Variants in CTNND2 observed in about 807,000 individuals in gnomAD.
CTNND2 encodes catenin delta 2.
CTNND2 carries 22 observed loss-of-function variants against 144.4 expected under a neutral mutation model. The observed-to-expected ratio is 0.15, with a 90% CI of 0.11 to 0.22. CTNND2 has a LOEUF of 0.22. Ranked by LOEUF, CTNND2 falls within the 10% of genes least tolerant of loss-of-function variation. The pLI, the probability that CTNND2 is intolerant of heterozygous loss-of-function variation, is 1.00. For synonymous variants in CTNND2, 751 were observed against 695.6 expected (o/e 1.08, Z -1.25); for missense variants, 1,353 against 1,618.8 (o/e 0.84, Z 2.82).
intron 3 of CTNND2, among the ~76,000 whole-genome samples, chr5:11,543,749 G>C (rs1374954969): frequency 6.6e-6 from 1 of 151,828 alleles, no homozygotes; most frequent in African/African-American, 2.4e-5. Flanking sequence ...TTTCAAAACA[G>C]AAGAGTCCTT....
chr5:11,741,057 G>C (rs1034470576), intron 1 of CTNND2, among the ~76,000 whole-genome samples: 1 of 152,130 alleles, frequency 6.6e-6, no homozygotes, highest in Non-Finnish European at 1.5e-5. Flanking sequence ...TCATTAAAAA[G>C]TCAGGAAACA....
chr5:11,192,180 C>G (rs1030084321), intron 11 of CTNND2, among the ~76,000 whole-genome samples: 1 of 152,188 alleles, frequency 6.6e-6, no homozygotes, highest in African/African-American at 2.4e-5. Context: ...CAATGGGAAT[C>G]GAGGAATCTC....
At chr5:11,764,348 ATTGTT>A (rs943284044) in intron 1 of CTNND2, among the ~76,000 whole-genome samples, 1 of 152,142 alleles carries the variant, frequency 6.6e-6, no homozygotes, top group African/African-American at 2.4e-5. Flanking sequence ...ACAAATTTAT[ATTGTT>A]TTAAGTCACC....
intron 18 of CTNND2, among the ~76,000 whole-genome samples, chr5:10,994,118 T>C (rs7708452): frequency 0.15 from 21,802 of 148,188 alleles, 1,687 homozygotes; most frequent in East Asian, 0.25. Context: ...CGAAAGTAAA[T>C]AGGCCACCCA....
At chr5:11,382,346 C>A (rs1333960974) in intron 7 of CTNND2, among the ~76,000 whole-genome samples, 1 of 152,066 alleles carries the variant, frequency 6.6e-6, no homozygotes, top group Non-Finnish European at 1.5e-5. Flanking sequence ...GGCCTGTAAA[C>A]CTAGCATTTT....
chr5:10,993,985 G>A (rs1738999689), intron 18 of CTNND2, among the ~76,000 whole-genome samples: 1 of 151,570 alleles, frequency 6.6e-6, no homozygotes, highest in Admixed American at 6.6e-5. Context: ...GGGAACAGGG[G>A]CTGGGACAGT....
At position 11,148,605 on chromosome 5, in the gene CTNND2, A is replaced by G. The variant is rs1354390972; in HGVS notation, c.2159+10971T>C. On this transcript the variant is annotated intron_variant, in intron 12 of 21. Transcript: ENST00000304623. ...GTCCAGTGAGGTGAGAAGTGAGGGG[A>G]GCCCTTTCTCCAGCAGCGTCCCTGC... Among the ~76,000 whole-genome samples the G allele has an allele frequency of 2.0e-5, 3 of 152,164 alleles. No individual in the cohort carries two copies. The East Asian group carries it at 5.8e-4, about 29-fold the overall frequency.
intron 2 of CTNND2, among the ~76,000 whole-genome samples, chr5:11,636,761 T>G (rs191971948): frequency 6.6e-6 from 1 of 152,216 alleles, no homozygotes; most frequent in South Asian, 2.1e-4. Flanking sequence ...GCAGATCTAT[T>G]TATCAATACG....
At chr5:11,279,405 C>T (rs1746885416) in intron 9 of CTNND2, among the ~76,000 whole-genome samples, 1 of 152,162 alleles carries the variant, frequency 6.6e-6, no homozygotes, top group African/African-American at 2.4e-5. Context: ...TGTAATCTGA[C>T]TACTTCTCAT....
intron 11 of CTNND2, among the ~76,000 whole-genome samples, chr5:11,180,518 A>G (rs746739322): frequency 3.3e-5 from 5 of 152,188 alleles, no homozygotes; most frequent in Admixed American, 6.5e-5. Context: ...AGTTTCACAC[A>G]CTGAAAGCAC....
chr5:11,276,983 G>GAA (rs1469641765), intron 9 of CTNND2, among the ~76,000 whole-genome samples: 2 of 152,198 alleles, frequency 1.3e-5, no homozygotes, highest in African/African-American at 4.8e-5. Flanking sequence ...AACTGTGAAA[G>GAA]AATACATTTC....
chr5:11,463,033 CA>C (rs1346298675), intron 3 of CTNND2, among the ~76,000 whole-genome samples: 6 of 152,194 alleles, frequency 3.9e-5, no homozygotes, highest in African/African-American at 1.4e-4. Flanking sequence ...CCATTCCCTT[CA>C]AAGATTAATC....
chr5:11,754,382 C>T (rs1274317357), intron 1 of CTNND2, among the ~76,000 whole-genome samples: 1 of 139,342 alleles, frequency 7.2e-6, no homozygotes, highest in African/African-American at 2.7e-5. Flanking sequence ...TATCTTTGTT[C>T]TCATCACTTT....
At chr5:11,392,365 T>C (rs552073047) in intron 6 of CTNND2, among the ~76,000 whole-genome samples, 1 of 152,350 alleles carries the variant, frequency 6.6e-6, no homozygotes, top group African/African-American at 2.4e-5. Context: ...ATGATGTAAG[T>C]ATCTTATAGA....
chr5:11,041,338 G>T (rs1228779953), intron 16 of CTNND2, among the ~76,000 whole-genome samples: 1 of 152,124 alleles, frequency 6.6e-6, no homozygotes, highest in Non-Finnish European at 1.5e-5. Flanking sequence ...CATTACCCTA[G>T]GGATATAAAA....
chr5:11,229,633 G>C (rs1485203116), intron 10 of CTNND2, among the ~76,000 whole-genome samples: 1 of 150,948 alleles, frequency 6.6e-6, no homozygotes, highest in Non-Finnish European at 1.5e-5. Context: ...TACCTTGAAT[G>C]CAGCCATATT....
chr5:11,344,216 C>T (rs1019105260), intron 9 of CTNND2, among the ~76,000 whole-genome samples: 1 of 151,864 alleles, frequency 6.6e-6, no homozygotes, highest in Admixed American at 6.5e-5. Flanking sequence ...CACGGTGAAA[C>T]CCCGTCTCTA....
intron 11 of CTNND2, among the ~76,000 whole-genome samples, chr5:11,179,345 A>C (rs1760784866): frequency 6.6e-6 from 1 of 152,096 alleles, no homozygotes; most frequent in South Asian, 2.1e-4. Context: ...AAAACAAAAA[A>C]CAAAAAAACA....
At chr5:11,025,501 C>T (rs1054907093) in intron 16 of CTNND2, among the ~76,000 whole-genome samples, 6 of 152,066 alleles carry the variant, frequency 3.9e-5, no homozygotes, top group Non-Finnish European at 5.9e-5. Context: ...AGGGAAGAGA[C>T]AAGTTAGATA....
Sources: allele counts gnomAD v4.1 joint callset (sites outside exome capture counted in the v4.1 genomes callset), GRCh38; gene constraint gnomAD v4.1.1; transcripts MANE v1.5; gene names NCBI Gene and HGNC (gene_info 2026-07-23, HGNC 2026-07-21).